The following CLSPN variants were observed in gnomAD, a reference collection of about 807,000 sequenced individuals.
CLSPN encodes claspin.
In CLSPN, 85 loss-of-function variants were observed where a neutral mutation model predicts 156.3. The observed-to-expected ratio is 0.54, with a 90% CI of 0.46 to 0.65. CLSPN has a LOEUF of 0.65. CLSPN is among the 30% of genes least tolerant of loss of function. The pLI, the probability that CLSPN is intolerant of heterozygous loss-of-function variation, is 0.00. For missense variants in CLSPN, 1,407 were observed against 1,554.9 expected (o/e 0.90, Z 1.60); for synonymous variants, 534 against 542.4 (o/e 0.98, Z 0.22).
intron 24 of CLSPN, among the ~76,000 whole-genome samples, chr1:35,726,495 T>G (rs1316640126): frequency 6.6e-6 from 1 of 151,964 alleles, no homozygotes; most frequent in Non-Finnish European, 1.5e-5. Flanking sequence ...GGGGGTGCGG[T>G]TTCAAGAAGT....
chr1:35,760,856 T>G lies in CLSPN; in HGVS notation c.1065A>C (p.Glu355Asp), dbSNP rs1424238930. 6.2e-7 allele frequency: 1 copy of G among 1,614,046 alleles called. No individual in the cohort carries two copies. Among genetic ancestry groups the G allele is most frequent in the Admixed American group, 1.7e-5 (1 of 60,026 alleles). ...CTTTACTATGGTGATCACTGTTCAT[T>G]TCAGTAGTATTTGCAGTGTCTATGA... ...KEIIDTANTT[E>D]MNSDHHSKGS... Residue 355 changes from glutamate (E) to aspartate (D), a missense_variant, in exon 8 of 25, where the codon GAA (glutamate) becomes GAC (aspartate). Coordinates refer to ENST00000318121, the MANE Select transcript of CLSPN (RefSeq NM_022111.4).
rs144720370 is a variant in CLSPN, at chr1:35,721,282, C to G, written c.3910-302G>C. 7.9e-5 allele frequency among the ~76,000 whole-genome samples: 12 copies of G among 152,296 alleles called. No individual in the cohort carries two copies. In the East Asian group the frequency reaches 1.7e-3, roughly 22 times the overall value. ...ATCAGTCCAGTCTACACTGAGACCA[C>G]CCCCTTCTCCTATTCCTCTAGTGCT... On this transcript the variant is annotated intron_variant, in intron 24 of 24. Coordinates refer to the CLSPN transcript ENST00000251195.
chr1:35,756,296 T>G (rs545917527), intron 8 of CLSPN, among the ~76,000 whole-genome samples: 4 of 152,276 alleles, frequency 2.6e-5, no homozygotes, highest in Admixed American at 2.6e-4. Flanking sequence ...CAGGTTATTA[T>G]GGGTGCCACT....
At chr1:35,742,536 A>G (rs1641728872) in intron 18 of CLSPN, among the ~76,000 whole-genome samples, 2 of 151,542 alleles carry the variant, frequency 1.3e-5, no homozygotes, top group Admixed American at 1.3e-4. Flanking sequence ...TAATTTTTGT[A>G]TTTTATTTTG....
chr1:35,732,137 A>G lies in CLSPN; in HGVS notation c.*4359T>C. 1.0e-6 allele frequency: 1 copy of G among 984,232 alleles called. No individual in the cohort carries two copies. Among genetic ancestry groups the G allele is most frequent in the Non-Finnish European group, 1.2e-6 (1 of 828,884 alleles). 61.0% of individuals were successfully genotyped at this position (984,232 alleles called of 1,614,324 possible). On this transcript the variant is annotated 3_prime_UTR_variant, in exon 25 of 25. Coordinates refer to ENST00000318121, the MANE Select transcript of CLSPN (RefSeq NM_022111.4). The stretch of plus-strand genomic sequence containing the variant: ...TGAAAGGTGTAGTGTTATTTATTCA[A>G]ACTGTGGTAGGCACCACTACATTCC...
Position 35,762,489 on chromosome 1 carries a change from A to T in CLSPN, c.745-8T>A. 1 of 1,612,980 alleles carries T rather than the reference A, an allele frequency of 6.2e-7. No homozygotes were observed. The highest frequency in any genetic ancestry group is 8.5e-7 in the Non-Finnish European group (1 of 1,179,160). On this transcript the variant is annotated splice_region_variant and splice_polypyrimidine_tract_variant and intron_variant, in intron 4 of 24. Transcript: ENST00000318121. The stretch of plus-strand genomic sequence containing the variant: ...CAAAGATGGTTCTTTTTTCTAAAAG[A>T]AATGGCAGGTTGATTAGGACAAAAA...
chr1:35,736,743 A>G (rs1477477682), intron 24 of CLSPN, 137 bp from the exon 25 acceptor site: 1 of 1,394,332 alleles, frequency 7.2e-7, no homozygotes, highest in Non-Finnish European at 9.5e-7. Flanking sequence ...TTTCTCGGCA[A>G]GTTTAAAAGT....
rs540313428 is a variant in CLSPN at position 35,747,835 on chromosome 1, C to G, written c.2627+72G>C. 14 of 1,403,968 alleles carry G rather than the reference C, an allele frequency of 1.0e-5. No individual in the cohort carries two copies. In the South Asian group the frequency reaches 1.9e-4, roughly 19 times the overall value. 87.0% of individuals were successfully genotyped at this position (1,403,968 alleles called of 1,614,324 possible). On this transcript the variant is annotated intron_variant, in intron 14 of 24. Transcript: ENST00000318121. ...GAAAGCACAGATGGAGTGACAGAAG[C>G]TCACTTATTTTTAAACAAAATTAAG...
chr1:35,765,812 C>T lies in CLSPN; in HGVS notation c.25-486G>A, dbSNP rs372343213. Among the ~76,000 whole-genome samples, 23 of 152,228 alleles carry T rather than the reference C, an allele frequency of 1.5e-4. 2 individuals carry two copies. The East Asian group carries it at 1.5e-3, about 10-fold the overall frequency. On this transcript the variant is annotated intron_variant, in intron 1 of 24. Transcript: ENST00000318121. ...TGCTGCCTAATAGAAGTACCCAATA[C>T]TAGCCATAAAGTATTCCTGACAGAA...
At chr1:35,725,130 A>T (rs1641148140) in intron 24 of CLSPN, among the ~76,000 whole-genome samples, 1 of 152,130 alleles carries the variant, frequency 6.6e-6, no homozygotes, top group South Asian at 2.1e-4. Flanking sequence ...CTCCGAGGGA[A>T]CTTCAGAGAA....
intron 24 of CLSPN, among the ~76,000 whole-genome samples, chr1:35,722,664 C>A (rs1641098343): frequency 6.6e-6 from 1 of 151,950 alleles, no homozygotes; most frequent in African/African-American, 2.4e-5. Flanking sequence ...CGGAGTCTTA[C>A]TCTGTTGCCC....
At position 35,748,039 on chromosome 1, in the gene CLSPN, G is replaced by A. The variant is rs146094023; in HGVS notation, c.2495C>T (p.Pro832Leu). Residue 832 changes from proline to leucine, a missense_variant, in exon 14 of 25, where the codon CCT becomes CTT. Transcript: ENST00000318121. ...CTGGGAATCCTCTATGGGAAGTGAA[G>A]GCTCAGACAGTTTCCCTGAACTCTG... ...ASKSSGKLSEPSLPIEDSQDL... is the reference protein window; with the variant it reads ...ASKSSGKLSELSLPIEDSQDL... 4.4e-4 allele frequency: 704 copies of A among 1,610,348 alleles called. 2 individuals carry two copies. The highest frequency in any genetic ancestry group is 5.6e-4 in the Non-Finnish European group (665 of 1,179,076).
At position 35,751,416 on chromosome 1, in the gene CLSPN, T is replaced by G. The variant is rs1270277392; in HGVS notation, c.1862A>C (p.Lys621Thr). The G allele has an allele frequency of 6.2e-7, 1 of 1,613,976 alleles. No individual in the cohort carries two copies. The highest frequency in any genetic ancestry group is 2.2e-5 in the East Asian group (1 of 44,872). ...EERQKRQALF[K>T]LDNEDGFEEE... Reference sequence around the variant, plus strand: ...CTCAAACCCATCTTCATTATCTAATTTAAACAGTGCTTGGCGCTTCTGGCG... The same window carrying G: ...CTCAAACCCATCTTCATTATCTAATGTAAACAGTGCTTGGCGCTTCTGGCG... The change falls in exon 10 of 25, where the codon AAA (lysine) becomes ACA (threonine). Residue 621 changes from lysine (K) to threonine (T), a missense_variant. This residue lies in a region of CLSPN where 1,096 missense variants were observed against 1,193.0 expected (regional missense o/e 0.92). Transcript: ENST00000318121.
At chr1:35,765,598 T>C (rs1642644991) in intron 1 of CLSPN, among the ~76,000 whole-genome samples, 1 of 152,208 alleles carries the variant, frequency 6.6e-6, no homozygotes, top group Admixed American at 6.5e-5. Context: ...CTTTTCTGTG[T>C]GAACTGTTCC....
Position 35,736,005 on chromosome 1 carries a change from G to T in CLSPN, c.*491C>A. 1 of 899,754 alleles carries T rather than the reference G, an allele frequency of 1.1e-6. No individual in the cohort carries two copies. The highest frequency in any genetic ancestry group is 1.3e-6 in the Non-Finnish European group (1 of 752,282). The allele number at this position is 899,754 out of a possible 1,614,324, so 55.7% of individuals were successfully genotyped here. ...GGCCGAGGTGGATGGATCATTTGAG[G>T]TCAGGAGTTCAAGACCAGCCTGGCC... is the stretch of plus-strand genomic sequence containing the variant. On this transcript the variant is annotated 3_prime_UTR_variant, in exon 25 of 25. Coordinates refer to ENST00000318121, the MANE Select transcript of CLSPN (RefSeq NM_022111.4).
chr1:35,729,899 CCA>C (rs574664252), downstream of CLSPN, among the ~76,000 whole-genome samples: 402 of 152,278 alleles, frequency 2.6e-3, 1 homozygote, highest in Non-Finnish European at 4.7e-3. Context: ...CACATGAGCC[CCA>C]TTTTCCAGTT....
chr1:35,747,013 C>G (rs79995408), intron 14 of CLSPN, 21 bp from the exon 15 acceptor site: 1 of 1,592,726 alleles, frequency 6.3e-7, no homozygotes, highest in South Asian at 1.1e-5. Context: ...ATGAGCACAA[C>G]GAATAGTGTA....
At chr1:35,769,028 G>A (rs1642770274) in intron 1 of CLSPN, among the ~76,000 whole-genome samples, 1 of 152,142 alleles carries the variant, frequency 6.6e-6, no homozygotes, top group Admixed American at 6.6e-5. Context: ...ATGGAATTAG[G>A]GTGAGGTGAT....
chr1:35,737,874 C>G, intron 22 of CLSPN, 118 bp downstream of exon 22: 1 of 520,544 alleles, frequency 1.9e-6, no homozygotes, highest in Non-Finnish European at 3.3e-6. Flanking sequence ...CTCTTTAAGA[C>G]AGTATTAGAC....
Sources: gnomAD v4.1 joint callset for allele counts (sites outside exome capture counted in the v4.1 genomes callset) on GRCh38, gnomAD v4.1.1 for gene constraint, gnomAD v4.1.1 regional missense constraint, MANE v1.5 for transcripts, NCBI Gene and HGNC (gene_info 2026-07-23, HGNC 2026-07-21) for gene names.